Variants in FSIP1 observed in about 807,000 individuals in gnomAD.
FSIP1 encodes fibrous sheath interacting protein 1.
In FSIP1, 65 loss-of-function variants were observed where a neutral mutation model predicts 60.9. The observed-to-expected ratio is 1.07, with a 90% CI of 0.87 to 1.31. The LOEUF is 1.31. FSIP1 is among the 40% of genes most tolerant of loss of function. The pLI, the probability that FSIP1 is intolerant of heterozygous loss-of-function variation, is 0.00. For synonymous variants in FSIP1, 209 were observed against 221.2 expected (o/e 0.94, Z 0.49); for missense variants, 675 against 665.5 (o/e 1.01, Z -0.16).
chr15:39,670,630 C>T (rs1320626604), intron 10 of FSIP1, among the ~76,000 whole-genome samples: 1 of 152,112 alleles, frequency 6.6e-6, no homozygotes, highest in Non-Finnish European at 1.5e-5. Flanking sequence ...AATGTTGAAC[C>T]CTACTTATTT....
intron 2 of FSIP1, among the ~76,000 whole-genome samples, chr15:39,771,557 C>A (rs1175392732): frequency 6.6e-6 from 1 of 152,188 alleles, no homozygotes; most frequent in East Asian, 1.9e-4. Flanking sequence ...CCCAGCGGAA[C>A]TGAGCTGACT....
At chr15:39,673,478 TA>T (rs1034688678) in intron 10 of FSIP1, among the ~76,000 whole-genome samples, 1 of 150,890 alleles carries the variant, frequency 6.6e-6, no homozygotes, top group African/African-American at 2.5e-5. Flanking sequence ...CACACCTGGT[TA>T]TTTTTTTTTA....
Position 39,770,624 on chromosome 15 carries a change from C to CAA in FSIP1, c.127-16_127-15dup, listed in dbSNP as rs749266099. The CAA allele has an allele frequency of 1.1e-5, 15 of 1,380,442 alleles. No homozygotes were observed. Among genetic ancestry groups the CAA allele is most frequent in the South Asian group, 1.7e-5 (1 of 59,112 alleles). The allele number at this position is 1,380,442 out of a possible 1,614,324, so 85.5% of individuals were successfully genotyped here. ...TGCAGTATCGACCTAAAAATAATTT[C>CAA]AAAAAAAAAACAGTTTCCGAAAATA... On this transcript the variant is annotated splice_polypyrimidine_tract_variant and intron_variant, in intron 2 of 11. Transcript: ENST00000350221.
chr15:39,745,228 T>C (rs1353431224), intron 5 of FSIP1, among the ~76,000 whole-genome samples: 1 of 150,610 alleles, frequency 6.6e-6, no homozygotes, highest in Non-Finnish European at 1.5e-5. Context: ...AATTATGCCA[T>C]ACAATTTTTA....
intron 11 of FSIP1, among the ~76,000 whole-genome samples, chr15:39,615,752 C>T (rs1342752467): frequency 6.9e-6 from 1 of 145,578 alleles, no homozygotes; most frequent in African/African-American, 2.6e-5. Flanking sequence ...AAAAGTCAAA[C>T]TCATGGAAGT....
chr15:39,659,002 G>A (rs1336956254), intron 10 of FSIP1, among the ~76,000 whole-genome samples: 1 of 152,204 alleles, frequency 6.6e-6, no homozygotes, highest in African/African-American at 2.4e-5. Flanking sequence ...ACTAATACAT[G>A]CTACAGAACT....
intron 5 of FSIP1, among the ~76,000 whole-genome samples, chr15:39,752,689 G>C (rs1897198796): frequency 1.3e-5 from 2 of 152,014 alleles, no homozygotes; most frequent in African/African-American, 4.8e-5. Flanking sequence ...GCCAAGAGTA[G>C]ACTGAGGAGG....
At chr15:39,745,579 G>A (rs140466574) in intron 5 of FSIP1, among the ~76,000 whole-genome samples, 1 of 152,260 alleles carries the variant, frequency 6.6e-6, no homozygotes, top group African/African-American at 2.4e-5. Context: ...AGTCCCAGGT[G>A]GGAACACACC....
intron 10 of FSIP1, among the ~76,000 whole-genome samples, chr15:39,623,470 A>G (rs1891520368): frequency 6.6e-6 from 1 of 152,200 alleles, no homozygotes; most frequent in Admixed American, 6.5e-5. Flanking sequence ...AATGATTAAC[A>G]AGGAGAATAT....
chr15:39,710,156 T>C (rs1383010703), intron 10 of FSIP1, among the ~76,000 whole-genome samples: 3 of 152,134 alleles, frequency 2.0e-5, no homozygotes, highest in Admixed American at 1.3e-4. Flanking sequence ...AAATCAGTTA[T>C]GAATCTACAG....
intron 5 of FSIP1, among the ~76,000 whole-genome samples, chr15:39,746,395 C>T (rs1020250913): frequency 6.6e-6 from 1 of 152,214 alleles, no homozygotes; most frequent in African/African-American, 2.4e-5. Context: ...TGCTGTTACT[C>T]AACCGCTGTC....
At chr15:39,719,695 T>C (rs1040478388) in intron 9 of FSIP1, among the ~76,000 whole-genome samples, 20 of 152,188 alleles carry the variant, frequency 1.3e-4, no homozygotes, top group African/African-American at 4.8e-4. Flanking sequence ...TTCTTGTCAT[T>C]AGATGGATCG....
At chr15:39,697,701 T>C (rs535274326) in intron 10 of FSIP1, among the ~76,000 whole-genome samples, 1 of 152,388 alleles carries the variant, frequency 6.6e-6, no homozygotes, top group South Asian at 2.1e-4. Context: ...TGAATAATTC[T>C]ACAAAGACAC....
Position 39,600,904 on chromosome 15 carries a change from T to C in FSIP1, c.1722A>G (p.Ala574=), listed in dbSNP as rs771671728. ...ATTAGGGTTCTTTACATTCTTCTGC[T>C]GCATCTTTAGTCTCCTGCTCATCTG... The part of the protein sequence containing the change: ...TIADEQETKD[A]AEECKEP Residue 574 remains alanine (A), a synonymous_variant, in exon 12 of 12, where the codon GCA becomes GCG. Transcript: ENST00000350221. 3.7e-6 allele frequency: 6 copies of C among 1,611,140 alleles called. No individual in the cohort carries two copies. The South Asian group carries it at 6.6e-5, about 18-fold the overall frequency.
intron 2 of FSIP1, among the ~76,000 whole-genome samples, chr15:39,775,007 CTT>C (rs1898006745): frequency 6.6e-6 from 1 of 152,078 alleles, no homozygotes; most frequent in South Asian, 2.1e-4. Flanking sequence ...GAACTAAACT[CTT>C]TTTTGCAGTG....
intron 11 of FSIP1, among the ~76,000 whole-genome samples, chr15:39,616,286 A>G (rs890854281): frequency 6.6e-6 from 1 of 152,216 alleles, no homozygotes; most frequent in Non-Finnish European, 1.5e-5. Flanking sequence ...TATTTATTAA[A>G]CAGGCACTTG....
chr15:39,605,438 C>A (rs1890788407), intron 11 of FSIP1, among the ~76,000 whole-genome samples: 1 of 152,172 alleles, frequency 6.6e-6, no homozygotes, highest in East Asian at 1.9e-4. Context: ...GGAAGTATCA[C>A]CAGGGATCTT....
rs570806786 is a variant in FSIP1 at position 39,717,601 on chromosome 15, G to T, written c.1051-4020C>A. On this transcript the variant is annotated intron_variant, in intron 9 of 11. Coordinates refer to ENST00000350221, the MANE Select transcript of FSIP1 (RefSeq NM_152597.5). The stretch of plus-strand genomic sequence containing the variant: ...TATCAGGTATCCCTTTTCAATGGGA[G>T]TGTTTGCTACAGTCCATGCCAAAAC... 5.3e-5 allele frequency among the ~76,000 whole-genome samples: 8 copies of T among 152,336 alleles called. No individual in the cohort carries two copies. In the East Asian group the frequency reaches 9.6e-4, roughly 18 times the overall value.
At chr15:39,673,978 A>C in intron 10 of FSIP1, among the ~76,000 whole-genome samples, 1 of 152,276 alleles carries the variant, frequency 6.6e-6, no homozygotes. Context: ...ATTTAATAAA[A>C]TTTTATATAA....
Sources: allele counts gnomAD v4.1 joint callset (sites outside exome capture counted in the v4.1 genomes callset), GRCh38; gene constraint gnomAD v4.1.1; transcripts MANE v1.5; gene names NCBI Gene and HGNC (gene_info 2026-07-23, HGNC 2026-07-21).